The following LPP variants were observed in gnomAD, a reference collection of about 807,000 sequenced individuals.
LPP encodes the protein LIM domain containing preferred translocation partner in lipoma, also known as lipoma-preferred partner.
In LPP, 38 loss-of-function variants were observed where a neutral mutation model predicts 60.4. The observed-to-expected ratio is 0.63, with a 90% confidence interval of 0.49 to 0.83. The LOEUF (loss-of-function observed/expected upper bound fraction) is 0.83, where lower values mean the gene tolerates loss of function less well. Ranked by LOEUF, LPP falls within the 40% of genes least tolerant of loss-of-function variation. LPP has a pLI of 0.00. For synonymous variants in LPP, 328 were observed against 290.8 expected (o/e 1.13, Z -1.30); for missense variants, 902 against 783.6 (o/e 1.15, Z -1.80).
chr3:188,176,597 A>T (rs1171727007), intron 1 of LPP, among the ~76,000 whole-genome samples: 1 of 141,648 alleles, frequency 7.1e-6, no homozygotes, highest in East Asian at 2.3e-4. Flanking sequence ...TCAGCTAATT[A>T]AAAAAAAAAA....
chr3:188,572,270 A>G lies in LPP; in HGVS notation c.430-36891A>G, dbSNP rs1833708383. On this transcript the variant is annotated intron_variant, in intron 6 of 11. Coordinates refer to ENST00000617246, the MANE Select transcript of LPP (RefSeq NM_001375462.1). This position sits in a 1 kb window ranked among gnomAD's most constrained non-coding sequence, Gnocchi z 4.1. ...CCATTTATTTCAACAAACATGTAAT[A>G]TATATTCTAACGACAAAGCCCTATG... is the stretch of plus-strand genomic sequence containing the variant. Among the ~76,000 whole-genome samples the G allele has an allele frequency of 6.6e-6, 1 of 152,106 alleles. No homozygotes were observed. Among genetic ancestry groups the G allele is most frequent in the East Asian group, 1.9e-4 (1 of 5,172 alleles).
At chr3:188,304,542 C>G (rs1295913398) in intron 2 of LPP, among the ~76,000 whole-genome samples, 2 of 152,110 alleles carry the variant, frequency 1.3e-5, no homozygotes, top group Non-Finnish European at 2.9e-5. Flanking sequence ...GCTCATATAC[C>G]TCTTGTGTAC....
intron 10 of LPP, among the ~76,000 whole-genome samples, 157 bp from the exon 11 acceptor site, chr3:188,872,486 A>C (rs896317422): frequency 2.6e-5 from 4 of 152,196 alleles, no homozygotes; most frequent in African/African-American, 9.7e-5. Flanking sequence ...CCACCGATTG[A>C]TGGAAGAACC....
intron 5 of LPP, among the ~76,000 whole-genome samples, chr3:188,523,111 T>C (rs112079530): frequency 6.6e-6 from 1 of 152,044 alleles, no homozygotes; most frequent in African/African-American, 2.4e-5. Context: ...TTCACCATGT[T>C]GGCCAGGCTG....
At chr3:188,639,213 A>T (rs1313698782) in intron 7 of LPP, among the ~76,000 whole-genome samples, 1 of 152,156 alleles carries the variant, frequency 6.6e-6, no homozygotes, top group Non-Finnish European at 1.5e-5. Context: ...ATAACGCCGC[A>T]TATCTACAAC....
intron 5 of LPP, among the ~76,000 whole-genome samples, chr3:188,519,882 C>G (rs372807279): frequency 2.6e-5 from 4 of 152,160 alleles, no homozygotes; most frequent in African/African-American, 7.2e-5. Context: ...AATGAATGCT[C>G]TTTCATAACC....
chr3:188,371,436 A>T (rs913752794), intron 3 of LPP, among the ~76,000 whole-genome samples: 1 of 151,146 alleles, frequency 6.6e-6, no homozygotes, highest in Admixed American at 6.6e-5. Context: ...GTCATCTTTG[A>T]TGCCTACCAT....
In LPP at chr3:188,497,958, T is replaced by G. The variant is rs1386906646; in HGVS notation, c.306+13254T>G. 2.6e-5 allele frequency among the ~76,000 whole-genome samples: 4 copies of G among 152,282 alleles called. No individual in the cohort carries two copies. The East Asian group carries it at 7.7e-4, about 29-fold the overall frequency. The stretch of plus-strand genomic sequence containing the variant: ...TAAATGAGACCCTCTCTCCTCCCCT[T>G]AACACCCACTGTGTTTCTGCTATAA... On this transcript the variant is annotated intron_variant, in intron 5 of 11. Transcript: ENST00000617246.
At chr3:188,622,905 G>T (rs569957625) in intron 7 of LPP, among the ~76,000 whole-genome samples, 18 of 151,980 alleles carry the variant, frequency 1.2e-4, no homozygotes, top group Admixed American at 7.9e-4. Context: ...GCGCATGCCT[G>T]TAATTCCAGC....
chr3:188,874,272 A>C, intron 11 of LPP, 79 bp from the exon 12 acceptor site: 3 of 1,425,094 alleles, frequency 2.1e-6, no homozygotes, highest in East Asian at 4.6e-5. Context: ...CCTTGAATAG[A>C]AAGCTCAATC....
intron 5 of LPP, among the ~76,000 whole-genome samples, chr3:188,503,068 T>G (rs1812374030): frequency 6.6e-6 from 1 of 152,080 alleles, no homozygotes. Context: ...CTATATAATT[T>G]TTTTTGTGTA....
chr3:188,630,667 TTGTGGTTTC>T (rs1309284610), intron 7 of LPP, among the ~76,000 whole-genome samples: 2 of 152,148 alleles, frequency 1.3e-5, no homozygotes, highest in African/African-American at 4.8e-5. Flanking sequence ...GCAAAAGTAA[TTGTGGTTTC>T]TGCCATTAAA....
At chr3:188,227,208 T>C (rs950661242) in intron 2 of LPP, among the ~76,000 whole-genome samples, 5 of 151,656 alleles carry the variant, frequency 3.3e-5, no homozygotes, top group Admixed American at 1.3e-4. Context: ...TATTTATACT[T>C]TAAGTTTTAG....
At chr3:188,177,629 C>T (rs1007661620) in intron 1 of LPP, among the ~76,000 whole-genome samples, 2 of 152,146 alleles carry the variant, frequency 1.3e-5, no homozygotes, top group African/African-American at 4.8e-5. Flanking sequence ...ACGTGAGCCT[C>T]AGCCCTCTCC....
intron 2 of LPP, among the ~76,000 whole-genome samples, chr3:188,250,673 C>G (rs1018406957): frequency 3.8e-4 from 58 of 151,898 alleles, no homozygotes; most frequent in Admixed American, 2.0e-4. Context: ...TCCTTCTCCT[C>G]CCTCCCTCCC....
chr3:188,821,315 C>A (rs1288215312), intron 9 of LPP, among the ~76,000 whole-genome samples: 1 of 148,338 alleles, frequency 6.7e-6, no homozygotes, highest in East Asian at 1.9e-4. Flanking sequence ...GATACCCAGG[C>A]AGCATCCTAG....
At chr3:188,303,195 C>T (rs965164725) in intron 2 of LPP, among the ~76,000 whole-genome samples, 16 of 152,098 alleles carry the variant, frequency 1.1e-4, no homozygotes, top group East Asian at 5.8e-4. Context: ...AGATAATACA[C>T]GAAACACTCA....
At chr3:188,291,735 A>G (rs1474464749) in intron 2 of LPP, among the ~76,000 whole-genome samples, 1 of 151,400 alleles carries the variant, frequency 6.6e-6, no homozygotes, top group African/African-American at 2.4e-5. Context: ...TTAAGTACCC[A>G]TTTTCTTATG....
intron 1 of LPP, among the ~76,000 whole-genome samples, chr3:188,176,362 A>G (rs1471078488): frequency 3.9e-5 from 6 of 152,166 alleles, no homozygotes; most frequent in Non-Finnish European, 7.3e-5. Flanking sequence ...AAGATGGGGA[A>G]ATGAGGCCTG....
Sources: gnomAD v4.1 joint callset for allele counts (sites outside exome capture counted in the v4.1 genomes callset) on GRCh38, gnomAD v4.1.1 for gene constraint, Gnocchi (gnomAD v3.1) non-coding constraint, MANE v1.5 for transcripts, NCBI Gene and HGNC (gene_info 2026-07-23, HGNC 2026-07-21) for gene names.